CASP9: variants seen among roughly 807,000 people sequenced by gnomAD.
CASP9 encodes the protein caspase-9.
Under a neutral mutation model 43.5 loss-of-function variants are expected in CASP9, and 29 were observed. The ratio of observed to expected loss-of-function variants is 0.67; its 90% CI spans 0.50 to 0.91. The LOEUF (loss-of-function observed/expected upper bound fraction) is 0.91. Among genes scored for constraint, CASP9 ranks in the 40% least tolerant of loss-of-function variants. The pLI is 0.00. For missense variants in CASP9, 575 were observed against 537.4 expected, an observed-to-expected ratio of 1.07 and a Z score of -0.69; for synonymous variants, 206 against 211.9, an observed-to-expected ratio of 0.97 and a Z score of 0.24.
At position 15,507,620 on chromosome 1, in the gene CASP9, G is replaced by T. The variant is rs138786505; in HGVS notation, c.453+253C>A. Among the ~76,000 whole-genome samples the T allele has an allele frequency of 9.7e-4, 148 of 152,354 alleles. 1 individual carries two copies. Among genetic ancestry groups the T allele is most frequent in the African/African-American group, 3.4e-3 (142 of 41,580 alleles). On this transcript the variant is annotated intron_variant, in intron 3 of 8. Transcript: ENST00000333868. ...GAATGAGAGAGTGGCGACTTGGTCT[G>T]GATCCCGATGACTGCCCCTCATCAG...
In CASP9 at chr1:15,507,143, C is replaced by T. The variant is rs775492471; in HGVS notation, c.454-68G>A. 31 of 1,594,746 alleles carry T rather than the reference C, an allele frequency of 1.9e-5. No individual in the cohort carries two copies. In the South Asian group the frequency reaches 2.1e-4, roughly 11 times the overall value. On this transcript the variant is annotated intron_variant, in intron 3 of 8. Coordinates refer to ENST00000333868, the MANE Select transcript of CASP9 (RefSeq NM_001229.5). ...CTCCCTAGAGGACAGTCTGGAGAGG[C>T]GGGAAGAAAACGGGGTCTGCCCTCT...
At chr1:15,524,309 C>T (rs992648365), upstream of CASP9, 37 of 1,463,066 alleles carry the variant, frequency 2.5e-5, no homozygotes, top group Non-Finnish European at 3.0e-5. Context: ...CCCCGCGTCA[C>T]GGCCCCGGGT....
rs971313224 is a variant in CASP9, at chr1:15,497,656, A to T, written c.869-2204T>A. On this transcript the variant is annotated intron_variant, in intron 6 of 8. Transcript: ENST00000333868. ...GACTCTGTCTCAAGAAAAAAAAAAA[A>T]AAGATATAAATAAATGGAAATATAT... Among the ~76,000 whole-genome samples the T allele has an allele frequency of 4.8e-4, 71 of 147,362 alleles. 1 individual carries two copies. The highest frequency in any genetic ancestry group is 1.7e-3 in the African/African-American group (65 of 37,850).
intron 8 of CASP9, chr1:15,493,566 A>G: frequency 7.0e-7 from 1 of 1,419,738 alleles, no homozygotes; most frequent in Non-Finnish European, 9.2e-7. Context: ...GGAGGGGCCC[A>G]TGACCCGCCT....
At position 15,495,455 on chromosome 1, in the gene CASP9, G is replaced by A; in HGVS notation, c.869-3C>T. 6.4e-7 allele frequency: 1 copy of A among 1,570,260 alleles called. No homozygotes were observed. ...CTCAAACCCATGGTCTTTCTGCTCT[G>A]CAGGAAGCAGAAACAAACACCTCTT... On this transcript the variant is annotated splice_polypyrimidine_tract_variant and splice_region_variant and intron_variant, in intron 6 of 8. Transcript: ENST00000333868.
rs968280718 is a variant in CASP9 at position 15,512,314 on chromosome 1, G to C, written c.419-4407C>G. 2.0e-5 allele frequency among the ~76,000 whole-genome samples: 3 copies of C among 152,144 alleles called. No individual in the cohort carries two copies. In the South Asian group the frequency reaches 6.2e-4, roughly 32 times the overall value. ...AGTATTTCTCAGGGTGCCTGTGAGA[G>C]TGTTTTGGGGATGAGAATGGGATTT... On this transcript the variant is annotated intron_variant, in intron 2 of 8. Coordinates refer to ENST00000333868, the MANE Select transcript of CASP9 (RefSeq NM_001229.5).
At chr1:15,494,660 G>A (rs969195400) in intron 7 of CASP9, among the ~76,000 whole-genome samples, 3 of 151,402 alleles carry the variant, frequency 2.0e-5, no homozygotes, top group Non-Finnish European at 2.9e-5. Context: ...TCAGGAGATC[G>A]AGACCATCGT....
At chr1:15,493,180 G>A (rs893677630) in intron 8 of CASP9, 145 bp from the exon 9 acceptor site, 1 of 1,466,356 alleles carries the variant, frequency 6.8e-7, no homozygotes, top group Non-Finnish European at 9.0e-7. Context: ...AGGGCTTAAA[G>A]AATACGCACC....
chr1:15,515,089 A>G (rs1408300599), intron 2 of CASP9, among the ~76,000 whole-genome samples: 2 of 152,234 alleles, frequency 1.3e-5, no homozygotes, highest in African/African-American at 4.8e-5. Flanking sequence ...AGCTCCTACT[A>G]GGAATAAATA....
chr1:15,508,985 G>A (rs1709633371), intron 2 of CASP9, among the ~76,000 whole-genome samples: 2 of 152,178 alleles, frequency 1.3e-5, no homozygotes, highest in African/African-American at 4.8e-5. Context: ...CGCACCACAT[G>A]CAAATGGCAC....
chr1:15,516,743 C>G (rs1408879800), intron 2 of CASP9, among the ~76,000 whole-genome samples: 2 of 152,194 alleles, frequency 1.3e-5, no homozygotes, highest in African/African-American at 4.8e-5. Context: ...GCAGTCAGAA[C>G]TAGACGCACA....
In CASP9 at chr1:15,500,370, G is replaced by A. The variant is rs955765537; in HGVS notation, c.868+4241C>T. 2.0e-5 allele frequency among the ~76,000 whole-genome samples: 3 copies of A among 152,248 alleles called. No homozygotes were observed. In the South Asian group the frequency reaches 6.2e-4, roughly 32 times the overall value. ...GGCTGGATCTATGTGACTGAGGGAA[G>A]TCACAGTTCACCCAGAGGAGCTGGG... is the stretch of plus-strand genomic sequence containing the variant. On this transcript the variant is annotated intron_variant, in intron 6 of 8. Coordinates refer to ENST00000333868, the MANE Select transcript of CASP9 (RefSeq NM_001229.5).
upstream of CASP9, chr1:15,524,428 C>G: frequency 8.0e-7 from 1 of 1,254,278 alleles, no homozygotes. Context: ...CTGCGCCTCG[C>G]CCCGCCCCCA....
upstream of CASP9, chr1:15,524,390 G>A (rs1253767578): frequency 2.2e-6 from 3 of 1,349,960 alleles, no homozygotes; most frequent in South Asian, 1.7e-5. Context: ...TCGCTCTTGC[G>A]TCACCGCCCC....
At chr1:15,498,811 G>A (rs550722923) in intron 6 of CASP9, among the ~76,000 whole-genome samples, 31 of 144,874 alleles carry the variant, frequency 2.1e-4, no homozygotes, top group Non-Finnish European at 4.2e-4. Flanking sequence ...ATGCAGTGGC[G>A]CGATGGCTCA....
chr1:15,507,921 G>A lies in CASP9; in HGVS notation c.419-14C>T. ...TCTCAAGAGCACCTGAAGAGGCAGAGAAAGAGAGAAACATGAATGTTGGGT... is the reference window on the plus strand; with the variant it reads ...TCTCAAGAGCACCTGAAGAGGCAGAAAAAGAGAGAAACATGAATGTTGGGT... On this transcript the variant is annotated splice_polypyrimidine_tract_variant and intron_variant, in intron 2 of 8. Coordinates refer to ENST00000333868, the MANE Select transcript of CASP9 (RefSeq NM_001229.5). 1 of 1,614,018 alleles carries A rather than the reference G, an allele frequency of 6.2e-7. No individual in the cohort carries two copies. The highest frequency in any genetic ancestry group is 8.5e-7 in the Non-Finnish European group (1 of 1,179,884).
At chr1:15,497,588 A>T (rs1709153700) in intron 6 of CASP9, among the ~76,000 whole-genome samples, 1 of 151,658 alleles carries the variant, frequency 6.6e-6, no homozygotes, top group South Asian at 2.1e-4. Flanking sequence ...GGTTGCAGTG[A>T]GCCGAGATGG....
intron 1 of CASP9, among the ~76,000 whole-genome samples, chr1:15,520,266 C>T (rs1234680843): frequency 6.6e-6 from 1 of 152,140 alleles, no homozygotes; most frequent in South Asian, 2.1e-4. Context: ...TTGGGTAGTA[C>T]AACTGAGGAA....
intron 2 of CASP9, among the ~76,000 whole-genome samples, chr1:15,517,360 T>C (rs4646011): frequency 0.59 from 89,079 of 151,794 alleles, 26,792 homozygotes; most frequent in African/African-American, 0.71. Context: ...TATTGAAGTT[T>C]AAGGACAAGC....
Sources: allele counts gnomAD v4.1 joint callset (sites outside exome capture counted in the v4.1 genomes callset), GRCh38; gene constraint gnomAD v4.1.1; transcripts MANE v1.5; gene names NCBI Gene and HGNC (gene_info 2026-07-23, HGNC 2026-07-21).